The following AKAP12 variants were observed in gnomAD, a reference collection of about 807,000 sequenced individuals.
AKAP12 encodes the protein A-kinase anchoring protein 12, also known as A-kinase anchor protein 12.
A neutral mutation model predicts 79.9 loss-of-function variants in AKAP12; 32 were observed. The observed-to-expected ratio is 0.40, with a 90% CI of 0.30 to 0.54. AKAP12 has a LOEUF of 0.54. AKAP12 is among the 20% of genes least tolerant of loss of function. AKAP12 has a pLI of 0.48. For synonymous variants in AKAP12, 808 were observed against 857.0 expected, an observed-to-expected ratio of 0.94 and a Z score of 1.00; for missense variants, 2,074 against 2,177.0, an observed-to-expected ratio of 0.95 and a Z score of 0.94.
At chr6:151,278,545 A>T (rs553090925) in intron 2 of AKAP12, among the ~76,000 whole-genome samples, 6 of 152,108 alleles carry the variant, frequency 3.9e-5, no homozygotes, top group South Asian at 4.2e-4. Flanking sequence ...AAGAAGAATC[A>T]TAGCATCGTA....
intron 2 of AKAP12, among the ~76,000 whole-genome samples, chr6:151,302,305 T>C (rs1487717814): frequency 6.6e-6 from 1 of 152,040 alleles, no homozygotes; most frequent in African/African-American, 2.4e-5. Flanking sequence ...CCACTGCGCC[T>C]GGTGTAACAT....
intron 2 of AKAP12, among the ~76,000 whole-genome samples, chr6:151,265,330 A>G (rs904455879): frequency 6.6e-6 from 1 of 152,204 alleles, no homozygotes; most frequent in African/African-American, 2.4e-5. Flanking sequence ...TCTTAGTTGA[A>G]AAGTGTTATT....
intron 2 of AKAP12, among the ~76,000 whole-genome samples, chr6:151,246,437 AAAAC>A (rs1797076728): frequency 6.6e-6 from 1 of 152,098 alleles, no homozygotes; most frequent in Non-Finnish European, 1.5e-5. Flanking sequence ...AACAAAAACA[AAAAC>A]AAAAAATTTA....
At chr6:151,278,752 C>G (rs1776336647) in intron 2 of AKAP12, among the ~76,000 whole-genome samples, 1 of 151,590 alleles carries the variant, frequency 6.6e-6, no homozygotes. Flanking sequence ...ACTGCAAGCT[C>G]TGCCTCCCGG....
At chr6:151,293,454 G>C (rs1464481654) in intron 2 of AKAP12, among the ~76,000 whole-genome samples, 1 of 152,178 alleles carries the variant, frequency 6.6e-6, no homozygotes, top group East Asian at 1.9e-4. Context: ...TTTGCAATTG[G>C]AATTTGTGGA....
chr6:151,335,146 T>C (rs569385248), intron 3 of AKAP12, among the ~76,000 whole-genome samples: 50 of 152,300 alleles, frequency 3.3e-4, no homozygotes, highest in African/African-American at 1.2e-3. Flanking sequence ...TGTGCAGCCA[T>C]TAGGTCTTAG....
At chr6:151,274,109 T>C (rs1776245769) in intron 2 of AKAP12, among the ~76,000 whole-genome samples, 1 of 151,392 alleles carries the variant, frequency 6.6e-6, no homozygotes, top group Non-Finnish European at 1.5e-5. Context: ...TCTTGCTCTT[T>C]TGCCCAGGGT....
chr6:151,276,061 A>G (rs1010092666), intron 2 of AKAP12, among the ~76,000 whole-genome samples: 22 of 152,248 alleles, frequency 1.4e-4, no homozygotes, highest in Non-Finnish European at 2.6e-4. Context: ...TTGGTCTAAC[A>G]GTTGTTGGTT....
At chr6:151,245,428 T>C (rs1229945848) in intron 2 of AKAP12, among the ~76,000 whole-genome samples, 1 of 152,018 alleles carries the variant, frequency 6.6e-6, no homozygotes, top group Non-Finnish European at 1.5e-5. Flanking sequence ...TCCGAGTCGC[T>C]GGGATTACAG....
chr6:151,317,832 C>G (rs1353891144), intron 3 of AKAP12, among the ~76,000 whole-genome samples: 2 of 152,190 alleles, frequency 1.3e-5, no homozygotes, highest in East Asian at 3.9e-4. Context: ...AGATGATTAG[C>G]ATACAGCCTT....
intron 3 of AKAP12, among the ~76,000 whole-genome samples, chr6:151,321,380 A>G (rs1777382544): frequency 6.6e-6 from 1 of 152,154 alleles, no homozygotes; most frequent in Non-Finnish European, 1.5e-5. Context: ...ACCACTAACT[A>G]CTTTATGTCT....
intron 2 of AKAP12, among the ~76,000 whole-genome samples, chr6:151,299,263 T>C (rs1302732950): frequency 2.0e-5 from 3 of 152,224 alleles, no homozygotes; most frequent in African/African-American, 7.2e-5. Context: ...TTGGCCTAGA[T>C]GATCTTAAAA....
At chr6:151,321,920 T>G (rs200125330) in intron 3 of AKAP12, among the ~76,000 whole-genome samples, 20,440 of 145,820 alleles carry the variant, frequency 0.14, 1,929 homozygotes, top group Admixed American at 0.2. Context: ...TTTTTTTTTT[T>G]TTTTTTTTGA....
chr6:151,324,989 G>A (rs1392394563), intron 3 of AKAP12: 1 of 985,340 alleles, frequency 1.0e-6, no homozygotes, highest in Non-Finnish European at 1.2e-6. Context: ...TAAAAAGTTA[G>A]CTAACTTCTG....
rs2114832413 is a variant in AKAP12, at chr6:151,353,058, C to G, written c.4667C>G (p.Thr1556Arg). The G allele has an allele frequency of 6.2e-7, 1 of 1,614,210 alleles. No homozygotes were observed. Among genetic ancestry groups the G allele is most frequent in the Non-Finnish European group, 8.5e-7 (1 of 1,180,046 alleles). ...SSKLVQNIIQ[T>R]AVDQFVRTEE... ...AAACTTGTCCAAAACATCATCCAGA[C>G]AGCCGTTGACCAGTTTGTACGTACA... Residue 1556 changes from threonine to arginine, a missense_variant, in exon 4 of 5, where the codon ACA becomes AGA. Thr to Arg is a moderately conservative substitution (Grantham distance 71, BLOSUM62 -1). Coordinates refer to ENST00000402676, the MANE Select transcript of AKAP12 (RefSeq NM_005100.4).
intron 3 of AKAP12, among the ~76,000 whole-genome samples, chr6:151,333,050 T>C (rs890022419): frequency 3.3e-5 from 5 of 152,140 alleles, no homozygotes; most frequent in African/African-American, 1.2e-4. Context: ...CATCCACATA[T>C]CAGTGATCCC....
At chr6:151,354,419 G>T (rs1339245984) in intron 4 of AKAP12, among the ~76,000 whole-genome samples, 1 of 152,170 alleles carries the variant, frequency 6.6e-6, no homozygotes, top group Non-Finnish European at 1.5e-5. Flanking sequence ...TGTCATCCAG[G>T]CTGGAATGCA....
At chr6:151,325,779 T>A in intron 3 of AKAP12, 2 of 1,610,622 alleles carry the variant, frequency 1.2e-6, no homozygotes, top group Non-Finnish European at 1.7e-6. Context: ...CACCTGCGGT[T>A]GGCAGGCAGG....
At chr6:151,276,321 G>T (rs1776291410) in intron 2 of AKAP12, among the ~76,000 whole-genome samples, 1 of 152,194 alleles carries the variant, frequency 6.6e-6, no homozygotes, top group Non-Finnish European at 1.5e-5. Context: ...CTGATTGCAA[G>T]TGCTTGCTAA....
Sources: allele counts gnomAD v4.1 joint callset (sites outside exome capture counted in the v4.1 genomes callset), GRCh38; gene constraint gnomAD v4.1.1; transcripts MANE v1.5; gene names NCBI Gene and HGNC (gene_info 2026-07-23, HGNC 2026-07-21).